STK31: variants seen among roughly 807,000 people sequenced by gnomAD.
STK31 encodes serine/threonine-protein kinase 31.
STK31 carries 89 observed loss-of-function variants against 129.7 expected under a neutral mutation model. The ratio of observed to expected loss-of-function variants is 0.69; its 90% CI spans 0.58 to 0.82. The LOEUF (loss-of-function observed/expected upper bound fraction) is 0.82. STK31 is among the 40% of genes least tolerant of loss of function. STK31 has a pLI of 0.00. For synonymous variants in STK31, 448 were observed against 395.3 expected (o/e 1.13, Z -1.58); for missense variants, 1,187 against 1,176.4 (o/e 1.01, Z -0.13).
intron 23 of STK31, among the ~76,000 whole-genome samples, chr7:23,819,255 A>G (rs1329857445): frequency 1.3e-5 from 2 of 152,194 alleles, no homozygotes; most frequent in Admixed American, 6.5e-5. Flanking sequence ...TCTGTAGAGT[A>G]CAGACATTGG....
intron 6 of STK31, among the ~76,000 whole-genome samples, chr7:23,731,228 G>A (rs1191658559): frequency 6.6e-6 from 1 of 151,930 alleles, no homozygotes; most frequent in Non-Finnish European, 1.5e-5. Flanking sequence ...ATTGATTAGA[G>A]TTAAGCTAAT....
At chr7:23,743,430 G>A (rs1243882940) in intron 8 of STK31, among the ~76,000 whole-genome samples, 1 of 152,168 alleles carries the variant, frequency 6.6e-6, no homozygotes. Flanking sequence ...TTCTTGACTA[G>A]CAGTTTCCTT....
intron 1 of STK31, chr7:23,710,598 T>C: frequency 1.5e-6 from 2 of 1,293,596 alleles, no homozygotes; most frequent in Non-Finnish European, 9.9e-7. Flanking sequence ...TCTCTTCCCC[T>C]TCTCGAAAAT....
chr7:23,827,360 C>G (rs1490489704), intron 23 of STK31, among the ~76,000 whole-genome samples: 1 of 152,164 alleles, frequency 6.6e-6, no homozygotes, highest in Non-Finnish European at 1.5e-5. Flanking sequence ...TCTTCCGTCA[C>G]TGATACCCTT....
chr7:23,791,498 AAACTACCTGTT>A (rs1791614734), intron 22 of STK31, among the ~76,000 whole-genome samples: 1 of 152,162 alleles, frequency 6.6e-6, no homozygotes, highest in African/African-American at 2.4e-5. Context: ...AAGGATTGAA[AAACTACCTGTT>A]AGGTATTAGG....
At chr7:23,787,865 G>T (rs1260898205) in intron 20 of STK31, 115 bp from the exon 21 acceptor site, 25 of 978,320 alleles carry the variant, frequency 2.6e-5, no homozygotes, top group Non-Finnish European at 3.4e-5. Flanking sequence ...CTTATTAATG[G>T]TTCATTTCGA....
intron 23 of STK31, among the ~76,000 whole-genome samples, chr7:23,828,169 TTGTC>T (rs962285858): frequency 3.9e-5 from 6 of 152,150 alleles, no homozygotes; most frequent in Admixed American, 2.0e-4. Context: ...TGTCTTTTGT[TTGTC>T]TGTGCCCTGC....
At chr7:23,774,251 T>C (rs189330062) in intron 15 of STK31, among the ~76,000 whole-genome samples, 1 of 152,194 alleles carries the variant, frequency 6.6e-6, no homozygotes, top group Non-Finnish European at 1.5e-5. Context: ...TACGTGTGCA[T>C]GTGTCTTTAT....
chr7:23,771,005 G>T lies in STK31; in HGVS notation c.1714G>T (p.Asp572Tyr). Reference protein sequence around the residue: ...VCKELEIALVDQGDADKEIIS... With the variant: ...VCKELEIALVYQGDADKEIIS... ...ATTCTATGTGTGTGATTTCATTTAGGATCAAGGTGATGCAGACAAGGAGAT... is the reference window on the plus strand; with the variant it reads ...ATTCTATGTGTGTGATTTCATTTAGTATCAAGGTGATGCAGACAAGGAGAT... Residue 572 changes from aspartate (D) to tyrosine (Y), a missense_variant and splice_region_variant, in exon 14 of 24, where the codon GAT becomes TAT. Transcript: ENST00000355870. 2 of 1,608,714 alleles carry T rather than the reference G, an allele frequency of 1.2e-6. No homozygotes were observed. The highest frequency in any genetic ancestry group is 1.1e-5 in the South Asian group (1 of 90,020).
At chr7:23,716,183 C>T (rs1400519969) in intron 3 of STK31, among the ~76,000 whole-genome samples, 1 of 152,078 alleles carries the variant, frequency 6.6e-6, no homozygotes, top group African/African-American at 2.4e-5. Context: ...CCTTGTATTT[C>T]AAGACTTTTG....
intron 16 of STK31, among the ~76,000 whole-genome samples, chr7:23,782,610 C>G (rs1046278621): frequency 2.0e-5 from 3 of 151,970 alleles, no homozygotes; most frequent in Admixed American, 6.6e-5. Flanking sequence ...GTTAAAATAG[C>G]GATCTTGCAA....
rs181245719 is a variant in STK31 at position 23,730,988 on chromosome 7, G to A, written c.483+1739G>A. ...CAACCTCCGCCTCTTGGGTTCAAGCGATTCTCCTGCCTCAGTCTCCTGATA... is the reference window on the plus strand; with the variant it reads ...CAACCTCCGCCTCTTGGGTTCAAGCAATTCTCCTGCCTCAGTCTCCTGATA... On this transcript the variant is annotated intron_variant, in intron 6 of 23. Coordinates refer to ENST00000355870, the MANE Select transcript of STK31 (RefSeq NM_031414.5). Among the ~76,000 whole-genome samples the A allele has an allele frequency of 3.4e-4, 50 of 148,166 alleles. 1 individual carries two copies. The highest frequency in any genetic ancestry group is 1.1e-3 in the African/African-American group (46 of 40,360).
intron 15 of STK31, 42 bp downstream of exon 15, chr7:23,772,320 C>G (rs1184237265): frequency 1.3e-6 from 2 of 1,580,278 alleles, no homozygotes; most frequent in Non-Finnish European, 1.7e-6. Flanking sequence ...ATGTGCATCT[C>G]ATTTTACTTG....
At chr7:23,779,683 C>T (rs1208640135) in intron 15 of STK31, among the ~76,000 whole-genome samples, 2 of 152,094 alleles carry the variant, frequency 1.3e-5, no homozygotes, top group Non-Finnish European at 2.9e-5. Context: ...AGAGGCCCCT[C>T]CCCCAACCAA....
rs545656854 is a variant in STK31, at chr7:23,746,796, G to A, written c.1018-5921G>A. ...GTGACAGAGATGGAAGAGGTGGAGG[G>A]ATAAATAAGTTAAATAATTTTAACT... On this transcript the variant is annotated intron_variant, in intron 8 of 23. Transcript: ENST00000355870. 3.8e-4 allele frequency among the ~76,000 whole-genome samples: 58 copies of A among 151,742 alleles called. 1 individual carries two copies. The highest frequency in any genetic ancestry group is 6.8e-3 in the Middle Eastern group (2 of 294).
At chr7:23,807,147 T>C (rs1269293820) in intron 22 of STK31, among the ~76,000 whole-genome samples, 1 of 152,166 alleles carries the variant, frequency 6.6e-6, no homozygotes, top group Non-Finnish European at 1.5e-5. Context: ...TTTTTATTCT[T>C]ATTCTTTTTA....
chr7:23,767,850 C>A (rs1759168002), intron 11 of STK31, among the ~76,000 whole-genome samples: 1 of 152,108 alleles, frequency 6.6e-6, no homozygotes, highest in Non-Finnish European at 1.5e-5. Context: ...ATGCTAAACA[C>A]CAACCATCCT....
intron 10 of STK31, among the ~76,000 whole-genome samples, chr7:23,759,886 T>C (rs1487455447): frequency 6.6e-6 from 1 of 152,164 alleles, no homozygotes; most frequent in African/African-American, 2.4e-5. Context: ...AGATACTGGC[T>C]TTTGAGGGAC....
chr7:23,805,572 C>T lies in STK31; in HGVS notation c.2761-9572C>T, dbSNP rs115689926. On this transcript the variant is annotated intron_variant, in intron 22 of 23. Coordinates refer to ENST00000355870, the MANE Select transcript of STK31 (RefSeq NM_031414.5). ...CTATACAGCTCATTGCAGCCTCAAT[C>T]TGTTGGGCTCAAGTGATCCTCCTGC... 4.0e-3 allele frequency among the ~76,000 whole-genome samples: 616 copies of T among 152,260 alleles called. 2 individuals carry two copies. The highest frequency in any genetic ancestry group is 0.014 in the African/African-American group (588 of 41,550).
Sources: allele counts gnomAD v4.1 joint callset (sites outside exome capture counted in the v4.1 genomes callset), GRCh38; gene constraint gnomAD v4.1.1; transcripts MANE v1.5; gene names NCBI Gene and HGNC (gene_info 2026-07-23, HGNC 2026-07-21).